TRIM27: variants seen among roughly 807,000 people sequenced by gnomAD.
TRIM27 encodes the protein zinc finger protein RFP.
A neutral mutation model predicts 57.6 loss-of-function variants in TRIM27; 12 were observed. The observed-to-expected ratio is 0.21, with a 90% CI of 0.13 to 0.34. The LOEUF (loss-of-function observed/expected upper bound fraction) is 0.34, where lower values mean the gene tolerates loss of function less well. Among genes scored for constraint, TRIM27 ranks in the 10% least tolerant of loss-of-function variants. The probability of loss-of-function intolerance (pLI) is 1.00; values close to 1 mark genes in which losing one functional copy is unlikely to be tolerated. For missense variants in TRIM27, 403 were observed against 656.8 expected (o/e 0.61, Z 4.22); for synonymous variants, 266 against 259.0 (o/e 1.03, Z -0.26).
Position 28,923,752 on chromosome 6 carries a change from G to T in TRIM27, c.-120C>A, listed in dbSNP as rs1173608390. ...GAGAGGCACCGGGCGGACGGAGGGC[G>T]GCGCCTCCCGGGCCCGTATCCCAGA... On this transcript the variant is annotated 5_prime_UTR_variant, in exon 1 of 8. Transcript: ENST00000377199. 2.3e-5 allele frequency: 27 copies of T among 1,152,746 alleles called. No individual in the cohort carries two copies. Among genetic ancestry groups the T allele is most frequent in the Non-Finnish European group, 3.2e-5 (27 of 845,850 alleles). The allele number at this position is 1,152,746 out of a possible 1,614,324, so 71.4% of individuals were successfully genotyped here. A position where few individuals can be genotyped will look rare whatever the true frequency, so the allele number is the denominator to read the frequency against.
Position 28,923,972 on chromosome 6 carries a change from G to T in TRIM27, c.-340C>A, listed in dbSNP as rs1185140285. 6.3e-5 allele frequency: 21 copies of T among 335,284 alleles called. No homozygotes were observed. Among genetic ancestry groups the T allele is most frequent in the Non-Finnish European group, 9.7e-5 (18 of 186,218 alleles). The allele number at this position is 335,284 out of a possible 1,614,324, so 20.8% of individuals were successfully genotyped here. ...ACAACGTGGCCGCGTCCGAGCGGAT[G>T]CCGGCGGCAGCGTAAACCCCACCCC... On this transcript the variant is annotated 5_prime_UTR_variant, in exon 1 of 8. Coordinates refer to ENST00000377199, the MANE Select transcript of TRIM27 (RefSeq NM_006510.5).
rs1363725856 is a variant in TRIM27 at position 28,921,967 on chromosome 6, G to C, written c.441C>G (p.Leu147=). 3 of 1,613,006 alleles carry C rather than the reference G, an allele frequency of 1.9e-6. No individual in the cohort carries two copies. In the East Asian group the frequency reaches 6.7e-5, roughly 36 times the overall value. ...EGFKEQIQNQ[L]DHLKRVKDLK... is the part of the protein sequence containing the mutation. The stretch of plus-strand genomic sequence containing the variant: ...AATCTTTCACTCTTTTTAAATGGTC[G>C]AGCTGGTTCTGGATTTGCTCCTGAG... The change falls in exon 2 of 8, where the codon CTC becomes CTG. Residue 147 remains leucine (L), a synonymous_variant. Coordinates refer to ENST00000377199, the MANE Select transcript of TRIM27 (RefSeq NM_006510.5).
chr6:28,921,559 T>C (rs1421390448), intron 2 of TRIM27, among the ~76,000 whole-genome samples: 1 of 152,142 alleles, frequency 6.6e-6, no homozygotes, highest in African/African-American at 2.4e-5. Context: ...CTATTAGCAA[T>C]TGTCTGCAGA....
chr6:28,907,721 A>T lies in TRIM27; in HGVS notation c.920-459T>A, dbSNP rs183615776. ...TAAGGCACTTTATAGTTGAAACAGA[A>T]TTTCTCACACATTATCCCACTAAGA... On this transcript the variant is annotated intron_variant, in intron 6 of 7. Coordinates refer to ENST00000377199, the MANE Select transcript of TRIM27 (RefSeq NM_006510.5). 3.4e-5 allele frequency: 14 copies of T among 408,178 alleles called. No homozygotes were observed. The Admixed American group carries it at 4.8e-4, about 14-fold the overall frequency. 25.3% of individuals were successfully genotyped at this position (408,178 alleles called of 1,614,324 possible).
intron 2 of TRIM27, 139 bp from the exon 3 acceptor site, chr6:28,920,381 T>G: frequency 1.5e-6 from 1 of 656,614 alleles, no homozygotes; most frequent in African/African-American, 1.8e-5. Context: ...TTTCCAGTCT[T>G]TACTGACTGG....
chr6:28,912,982 G>A (rs369791436), intron 3 of TRIM27, among the ~76,000 whole-genome samples: 17 of 152,220 alleles, frequency 1.1e-4, no homozygotes, highest in South Asian at 6.2e-4. Flanking sequence ...TAGGCCAGGC[G>A]CAGTGGCTCA....
chr6:28,921,866 C>T, intron 2 of TRIM27, 26 bp downstream of exon 2: 1 of 1,579,798 alleles, frequency 6.3e-7, no homozygotes, highest in Non-Finnish European at 8.7e-7. Context: ...CCAGCAGAAC[C>T]AACTGTGAAT....
chr6:28,916,194 C>A (rs1020117225), intron 3 of TRIM27, among the ~76,000 whole-genome samples: 2 of 152,052 alleles, frequency 1.3e-5, no homozygotes, highest in South Asian at 4.1e-4. Flanking sequence ...GGATTACAGG[C>A]GTGAGCCGCC....
intron 2 of TRIM27, among the ~76,000 whole-genome samples, chr6:28,921,106 C>A (rs973217908): frequency 2.0e-5 from 3 of 152,184 alleles, no homozygotes; most frequent in South Asian, 2.1e-4. Flanking sequence ...CCAGGCTGGG[C>A]GCGGTGGCTC....
At chr6:28,920,361 T>A in intron 2 of TRIM27, 119 bp from the exon 3 acceptor site, 1 of 764,672 alleles carries the variant, frequency 1.3e-6, no homozygotes, top group African/African-American at 1.7e-5. Flanking sequence ...AGCACAGTGC[T>A]AACTCATTAT....
intron 3 of TRIM27, chr6:28,915,365 T>G (rs1326210781): frequency 6.6e-6 from 1 of 151,210 alleles, no homozygotes; most frequent in Non-Finnish European, 1.5e-5. Flanking sequence ...TACCAGCACT[T>G]TGGGAGGCCA....
rs1314043457 is a variant in TRIM27, at chr6:28,904,981, T to A, written c.947-316A>T. The stretch of plus-strand genomic sequence containing the variant: ...AGGCTGGAGCGCAGTGGTGTGGTCA[T>A]AGTTCATTGTAACCCCAAACTCCTG... On this transcript the variant is annotated intron_variant, in intron 7 of 7. Coordinates refer to ENST00000377199, the MANE Select transcript of TRIM27 (RefSeq NM_006510.5). This position sits in a 1 kb window ranked among gnomAD's most constrained non-coding sequence, Gnocchi z 6.1. 3.0e-6 allele frequency: 1 copy of A among 330,206 alleles called. No individual in the cohort carries two copies. Among genetic ancestry groups the A allele is most frequent in the Non-Finnish European group, 5.6e-6 (1 of 179,776 alleles). The allele number at this position is 330,206 out of a possible 1,614,324, so 20.5% of individuals were successfully genotyped here. A position where few individuals can be genotyped will look rare whatever the true frequency, so the allele number is the denominator to read the frequency against.
At chr6:28,919,112 T>G (rs759218001) in intron 3 of TRIM27, among the ~76,000 whole-genome samples, 1 of 152,042 alleles carries the variant, frequency 6.6e-6, no homozygotes, top group African/African-American at 2.4e-5. Flanking sequence ...CTCCTGGTTT[T>G]GGGCAATTCC....
At chr6:28,913,730 ATG>A (rs1773389835) in intron 3 of TRIM27, among the ~76,000 whole-genome samples, 1 of 152,002 alleles carries the variant, frequency 6.6e-6, no homozygotes, top group Admixed American at 6.6e-5. Flanking sequence ...AAAGCAATTT[ATG>A]TCTTTTGCAG....
rs887091311 is a variant in TRIM27 at position 28,903,957 on chromosome 6, G to C, written c.*113C>G. 20 of 793,238 alleles carry C rather than the reference G, an allele frequency of 2.5e-5. No individual in the cohort carries two copies. The highest frequency in any genetic ancestry group is 3.8e-5 in the Non-Finnish European group (18 of 474,726). The allele number at this position is 793,238 out of a possible 1,614,324, so 49.1% of individuals were successfully genotyped here. On this transcript the variant is annotated 3_prime_UTR_variant, in exon 8 of 8. Transcript: ENST00000377199. The stretch of plus-strand genomic sequence containing the variant: ...GGACATCCTGTCTCCCACTGCAAGG[G>C]CGTGGAACATGGTAAGGATACCCAG...
At position 28,907,346 on chromosome 6, in the gene TRIM27, T is replaced by G. The variant is rs1772841966; in HGVS notation, c.920-84A>C. 3 of 1,387,412 alleles carry G rather than the reference T, an allele frequency of 2.2e-6. No homozygotes were observed. In the South Asian group the frequency reaches 3.6e-5, roughly 16 times the overall value. The allele number at this position is 1,387,412 out of a possible 1,614,324, so 85.9% of individuals were successfully genotyped here. A position where few individuals can be genotyped will look rare whatever the true frequency, so the allele number is the denominator to read the frequency against. ...CTAAGGGGGCTTTGGTTAGTCATCA[T>G]AAAGCAGTGGTCTCCACCAGAAACC... is the stretch of plus-strand genomic sequence containing the variant. On this transcript the variant is annotated intron_variant, in intron 6 of 7. Transcript: ENST00000377199.
intron 3 of TRIM27, among the ~76,000 whole-genome samples, chr6:28,913,263 A>AT (rs1326537574): frequency 2.2e-5 from 3 of 138,908 alleles, no homozygotes; most frequent in African/African-American, 8.6e-5. Context: ...CTCAAAAAAA[A>AT]AAAAAAATAT....
chr6:28,922,433 AGAGT>A (rs748941152), intron 1 of TRIM27, among the ~76,000 whole-genome samples: 11 of 152,230 alleles, frequency 7.2e-5, no homozygotes, highest in Non-Finnish European at 1.3e-4. Flanking sequence ...AGTTCTCACC[AGAGT>A]GAGTGAAATA....
chr6:28,918,530 T>G (rs373847151), intron 3 of TRIM27, among the ~76,000 whole-genome samples: 19 of 151,842 alleles, frequency 1.3e-4, no homozygotes, highest in Middle Eastern at 3.4e-3. Context: ...GTCTCAAAAA[T>G]AAAAAAAGAA....
Sources: gnomAD v4.1 joint callset for allele counts (sites outside exome capture counted in the v4.1 genomes callset) on GRCh38, gnomAD v4.1.1 for gene constraint, Gnocchi (gnomAD v3.1) non-coding constraint, MANE v1.5 for transcripts, NCBI Gene and HGNC (gene_info 2026-07-23, HGNC 2026-07-21) for gene names.